The following DCAF17 variants were observed in gnomAD, a reference collection of about 807,000 sequenced individuals.
DCAF17 encodes DDB1 and CUL4 associated factor 17.
DCAF17 carries 48 observed loss-of-function variants against 66.0 expected under a neutral mutation model. The ratio of observed to expected loss-of-function variants is 0.73; its 90% CI spans 0.58 to 0.92. The LOEUF is 0.92. Ranked by LOEUF, DCAF17 falls within the 40% of genes least tolerant of loss-of-function variation. The probability of loss-of-function intolerance (pLI) is 0.00; values close to 1 mark genes in which losing one functional copy is unlikely to be tolerated. For missense variants in DCAF17, 562 were observed against 622.8 expected, an observed-to-expected ratio of 0.90 and a Z score of 1.04; for synonymous variants, 206 against 214.6, an observed-to-expected ratio of 0.96 and a Z score of 0.35.
intron 4 of DCAF17, 103 bp downstream of exon 4, chr2:171,448,920 T>A: frequency 1.9e-6 from 2 of 1,037,930 alleles, no homozygotes; most frequent in Non-Finnish European, 2.9e-6. Flanking sequence ...TCTAATCCAT[T>A]ACCAGATCTC....
At chr2:171,468,500 T>C (rs1052713492) in intron 8 of DCAF17, among the ~76,000 whole-genome samples, 3 of 152,348 alleles carry the variant, frequency 2.0e-5, no homozygotes, top group Non-Finnish European at 2.9e-5. Flanking sequence ...AGGATTATTA[T>C]GAGAGTTGGA....
intron 8 of DCAF17, among the ~76,000 whole-genome samples, chr2:171,465,755 G>C (rs1276822892): frequency 6.6e-6 from 1 of 152,126 alleles, no homozygotes; most frequent in Non-Finnish European, 1.5e-5. Context: ...AAGGTGCTGG[G>C]ATTACAGACA....
intron 13 of DCAF17, 25 bp from the exon 14 acceptor site, chr2:171,480,949 T>G (rs774945136): frequency 1.1e-5 from 18 of 1,613,236 alleles, no homozygotes; most frequent in Non-Finnish European, 1.5e-5. Flanking sequence ...TGAAAAGGAC[T>G]CCATATGATT....
rs1174025833 is a variant in DCAF17, at chr2:171,434,744, C to G, written c.126+41C>G. On this transcript the variant is annotated intron_variant, in intron 1 of 13. Transcript: ENST00000375255. Reference sequence around the variant, plus strand: ...CCGGGGCGGGACGGAGGGCCGCGGGCGCGCGGCGGCCGAGCCTCCTGCGGG... The same window carrying G: ...CCGGGGCGGGACGGAGGGCCGCGGGGGCGCGGCGGCCGAGCCTCCTGCGGG... 2.3e-5 allele frequency: 32 copies of G among 1,391,856 alleles called. No individual in the cohort carries two copies. In the South Asian group the frequency reaches 3.4e-4, roughly 15 times the overall value. 86.2% of individuals were successfully genotyped at this position (1,391,856 alleles called of 1,614,324 possible).
Position 171,484,384 on chromosome 2 carries a change from A to C in DCAF17, c.*3270A>C, listed in dbSNP as rs1007091158. On this transcript the variant is annotated 3_prime_UTR_variant, in exon 14 of 14. Transcript: ENST00000375255. ...CATCATTTTATTATGAAAAATGTTC[A>C]AACATACAGTAAAATTGAAAGAATT... 31 of 389,704 alleles carry C rather than the reference A, an allele frequency of 8.0e-5. No individual in the cohort carries two copies. The Admixed American group carries it at 1.1e-3, about 14-fold the overall frequency. The allele number at this position is 389,704 out of a possible 1,614,324, so 24.1% of individuals were successfully genotyped here. A position where few individuals can be genotyped will look rare whatever the true frequency, so the allele number is the denominator to read the frequency against.
chr2:171,438,282 G>A (rs2356709), intron 2 of DCAF17, among the ~76,000 whole-genome samples: 47,138 of 152,104 alleles, frequency 0.31, 8,098 homozygotes, highest in East Asian at 0.63. Context: ...TCAGAATGTG[G>A]TCTACCTTGG....
rs548644452 is a variant in DCAF17, at chr2:171,466,155, C to T, written c.839-2733C>T. Among the ~76,000 whole-genome samples, 7 of 152,304 alleles carry T rather than the reference C, an allele frequency of 4.6e-5. No homozygotes were observed. The South Asian group carries it at 1.5e-3, about 32-fold the overall frequency. On this transcript the variant is annotated intron_variant, in intron 8 of 13. Coordinates refer to ENST00000375255, the MANE Select transcript of DCAF17 (RefSeq NM_025000.4). ...TTGGGATTACAGGCGTGAGCCACCA[C>T]ACCTGGGCAAATTTTCTAAGTAAAC... is the stretch of plus-strand genomic sequence containing the variant.
intron 2 of DCAF17, among the ~76,000 whole-genome samples, chr2:171,441,297 A>G (rs1420541262): frequency 6.6e-6 from 1 of 152,190 alleles, no homozygotes; most frequent in African/African-American, 2.4e-5. Context: ...AGTCAATGCC[A>G]TGCTTCTCTC....
intron 8 of DCAF17, among the ~76,000 whole-genome samples, chr2:171,462,782 A>T (rs1439187454): frequency 6.6e-6 from 1 of 152,230 alleles, no homozygotes; most frequent in African/African-American, 2.4e-5. Flanking sequence ...ATAGCAAAAG[A>T]TTGGAAACAA....
chr2:171,473,955 T>C lies in DCAF17; in HGVS notation c.1071T>C (p.His357=), dbSNP rs753679131. 1.2e-5 allele frequency: 20 copies of C among 1,613,516 alleles called. No individual in the cohort carries two copies. The Admixed American group carries it at 3.3e-4, about 27-fold the overall frequency. ...CTGATGCTTCTGGTAGAATAATACA[T>C]GTTGGTCCAAATCAAGTCAAGTGAG... The part of the protein sequence containing the change: ...FHPDASGRII[H]VGPNQVKVLK... Residue 357 remains histidine (H), a synonymous_variant, in exon 10 of 14, where the codon CAT becomes CAC. Coordinates refer to ENST00000375255, the MANE Select transcript of DCAF17 (RefSeq NM_025000.4).
At position 171,465,204 on chromosome 2, in the gene DCAF17, G is replaced by GA. The variant is rs1198249311; in HGVS notation, c.839-3670dup. Among the ~76,000 whole-genome samples the GA allele has an allele frequency of 6.4e-3, 861 of 134,198 alleles. 20 individuals are homozygous for GA. Among genetic ancestry groups the GA allele is most frequent in the East Asian group, 0.046 (217 of 4,694 alleles). The allele number at this position is 134,198 out of a possible 152,430, so 88.0% of individuals were successfully genotyped here. ...CAGAGTGAAACTCTGTCTCAAAAAG[G>GA]AAAAAAAAAAAAAAGTATGGGGTGA... On this transcript the variant is annotated intron_variant, in intron 8 of 13. Coordinates refer to ENST00000375255, the MANE Select transcript of DCAF17 (RefSeq NM_025000.4).
chr2:171,442,029 A>G (rs1694333847), intron 2 of DCAF17, among the ~76,000 whole-genome samples: 1 of 152,172 alleles, frequency 6.6e-6, no homozygotes, highest in Admixed American at 6.5e-5. Flanking sequence ...AAAAAAAATT[A>G]AATTAGAGTA....
chr2:171,483,087 A>G lies in DCAF17; in HGVS notation c.*1973A>G, dbSNP rs1459907225. On this transcript the variant is annotated 3_prime_UTR_variant, in exon 14 of 14. Coordinates refer to ENST00000375255, the MANE Select transcript of DCAF17 (RefSeq NM_025000.4). ...GGTTGTTAACAAGATAGATGGTAAA[A>G]AGATGCCAGAAGATACAGAAGATAG... The G allele has an allele frequency of 2.2e-6, 1 of 454,132 alleles. No homozygotes were observed. The highest frequency in any genetic ancestry group is 1.6e-5 in the South Asian group (1 of 64,480). The allele number at this position is 454,132 out of a possible 1,614,324, so 28.1% of individuals were successfully genotyped here. A position where few individuals can be genotyped will look rare whatever the true frequency, so the allele number is the denominator to read the frequency against.
intron 3 of DCAF17, among the ~76,000 whole-genome samples, chr2:171,447,086 T>C (rs1331069020): frequency 6.6e-6 from 1 of 152,148 alleles, no homozygotes; most frequent in Non-Finnish European, 1.5e-5. Flanking sequence ...TTTGGGTATA[T>C]GTCATTATAG....
intron 9 of DCAF17, among the ~76,000 whole-genome samples, chr2:171,469,579 T>C (rs1408584343): frequency 6.6e-6 from 1 of 152,250 alleles, no homozygotes; most frequent in Admixed American, 6.5e-5. Context: ...TATTTTCTTT[T>C]TAAAAATGGC....
At chr2:171,456,063 T>G (rs1392969103) in intron 6 of DCAF17, among the ~76,000 whole-genome samples, 1 of 152,256 alleles carries the variant, frequency 6.6e-6, no homozygotes, top group Non-Finnish European at 1.5e-5. Flanking sequence ...TTGCTTTTGG[T>G]GTTTTCATCA....
At chr2:171,465,226 G>A (rs1339810258) in intron 8 of DCAF17, among the ~76,000 whole-genome samples, 1 of 151,742 alleles carries the variant, frequency 6.6e-6, no homozygotes, top group Non-Finnish European at 1.5e-5. Flanking sequence ...AAAGTATGGG[G>A]TGAAGGTTAA....
chr2:171,452,702 G>A (rs1322005331), intron 5 of DCAF17, among the ~76,000 whole-genome samples: 15 of 152,090 alleles, frequency 9.9e-5, no homozygotes, highest in Admixed American at 9.2e-4. Flanking sequence ...AGCCTCAAGC[G>A]ATCCTCCTGC....
chr2:171,434,411 G>A lies in DCAF17; in HGVS notation c.-167G>A. 2 of 1,214,710 alleles carry A rather than the reference G, an allele frequency of 1.6e-6. No individual in the cohort carries two copies. The highest frequency in any genetic ancestry group is 2.3e-6 in the Non-Finnish European group (2 of 859,614). The allele number at this position is 1,214,710 out of a possible 1,614,324, so 75.2% of individuals were successfully genotyped here. A position where few individuals can be genotyped will look rare whatever the true frequency, so the allele number is the denominator to read the frequency against. On this transcript the variant is annotated 5_prime_UTR_variant, in exon 1 of 14. Transcript: ENST00000375255. ...GGTGCAAGCGGCTCTGCTTTCCCTCGCCCCGCCGTCGGGTGCTCCCTGCCC... is the reference window on the plus strand; with the variant it reads ...GGTGCAAGCGGCTCTGCTTTCCCTCACCCCGCCGTCGGGTGCTCCCTGCCC...
Sources: allele counts gnomAD v4.1 joint callset (sites outside exome capture counted in the v4.1 genomes callset), GRCh38; gene constraint gnomAD v4.1.1; transcripts MANE v1.5; gene names NCBI Gene and HGNC (gene_info 2026-07-23, HGNC 2026-07-21).